Variants in KIF26B observed in about 807,000 individuals in gnomAD.
KIF26B encodes the protein kinesin family member 26B.
Under a neutral mutation model 151.2 loss-of-function variants are expected in KIF26B, and 63 were observed. The ratio of observed to expected loss-of-function variants is 0.42; its 90% CI spans 0.34 to 0.51. The LOEUF is 0.51. Among genes scored for constraint, KIF26B ranks in the 20% least tolerant of loss-of-function variants. KIF26B has a pLI of 0.07. For synonymous variants in KIF26B, 1,357 were observed against 1,262.1 expected, an observed-to-expected ratio of 1.08 and a Z score of -1.59; for missense variants, 2,813 against 2,913.6, an observed-to-expected ratio of 0.97 and a Z score of 0.79.
At position 245,167,236 on chromosome 1, in the gene KIF26B, G is replaced by A. The variant is rs72779211; in HGVS notation, c.465+10553G>A. ...AGCTGCAAATAATAAATTAAAATCCGCTTTTCTATCACAGGGGTGACAAAT... is the reference window on the plus strand; with the variant it reads ...AGCTGCAAATAATAAATTAAAATCCACTTTTCTATCACAGGGGTGACAAAT... On this transcript the variant is annotated intron_variant, in intron 2 of 14. Transcript: ENST00000407071. The surrounding 1 kb of genome is among the most constrained non-coding windows in gnomAD (Gnocchi z 4.2). Among the ~76,000 whole-genome samples, 2,196 of 151,250 alleles carry A rather than the reference G, an allele frequency of 0.015. 20 individuals are homozygous for A. Among genetic ancestry groups the A allele is most frequent in the East Asian group, 0.031 (159 of 5,140 alleles).
At chr1:245,201,923 T>G (rs528405577) in intron 2 of KIF26B, among the ~76,000 whole-genome samples, 3 of 152,188 alleles carry the variant, frequency 2.0e-5, no homozygotes, top group African/African-American at 4.8e-5. Flanking sequence ...TTATTTCCTG[T>G]TGGGGTTTTA....
At position 245,597,612 on chromosome 1, in the gene KIF26B, G is replaced by T. The variant is rs1023498898; in HGVS notation, c.1351-4965G>T. Among the ~76,000 whole-genome samples the T allele has an allele frequency of 1.3e-5, 2 of 152,100 alleles. No individual in the cohort carries two copies. Among genetic ancestry groups the T allele is most frequent in the Non-Finnish European group, 2.9e-5 (2 of 68,028 alleles). ...GAATCTGACGATTTTGTGTCTTGGGGTTGCTCTTCTCGAGGAGTATCTTTT... is the reference window on the plus strand; with the variant it reads ...GAATCTGACGATTTTGTGTCTTGGGTTTGCTCTTCTCGAGGAGTATCTTTT... On this transcript the variant is annotated intron_variant, in intron 5 of 14. Transcript: ENST00000407071. This position sits in a 1 kb window ranked among gnomAD's most constrained non-coding sequence, Gnocchi z 4.6.
chr1:245,240,809 G>C (rs944309257), intron 2 of KIF26B, among the ~76,000 whole-genome samples: 1 of 152,212 alleles, frequency 6.6e-6, no homozygotes, highest in Non-Finnish European at 1.5e-5. Context: ...GCCAGAGGGA[G>C]GCTGGAGGCT....
At chr1:245,464,946 G>T (rs920097721) in intron 4 of KIF26B, among the ~76,000 whole-genome samples, 2 of 151,982 alleles carry the variant, frequency 1.3e-5, no homozygotes, top group Non-Finnish European at 2.9e-5. Flanking sequence ...GGCTGCCCGG[G>T]CACCCAGCCG....
intron 10 of KIF26B, among the ~76,000 whole-genome samples, chr1:245,662,713 CATAT>C (rs1195373382): frequency 0.1 from 3,625 of 36,286 alleles, 53 homozygotes; most frequent in East Asian, 0.15. Context: ...CCCAATGATA[CATAT>C]ACACACACAC....
chr1:245,536,170 G>T (rs1661484714), intron 4 of KIF26B, among the ~76,000 whole-genome samples: 1 of 152,118 alleles, frequency 6.6e-6, no homozygotes, highest in African/African-American at 2.4e-5. Context: ...TTAAATGGGG[G>T]TAATATTGTT....
chr1:245,616,566 T>G (rs2043592617), intron 9 of KIF26B, among the ~76,000 whole-genome samples: 1 of 152,238 alleles, frequency 6.6e-6, no homozygotes, highest in South Asian at 2.1e-4. Flanking sequence ...TCATGTATGT[T>G]TCATATATGC....
At chr1:245,628,089 C>T (rs973720463) in intron 9 of KIF26B, among the ~76,000 whole-genome samples, 3 of 152,156 alleles carry the variant, frequency 2.0e-5, no homozygotes, top group Non-Finnish European at 2.9e-5. Context: ...TGAAACTATT[C>T]CAAACAATAG....
At chr1:245,547,356 G>A (rs1008592599) in intron 5 of KIF26B, among the ~76,000 whole-genome samples, 1 of 151,892 alleles carries the variant, frequency 6.6e-6, no homozygotes, top group Non-Finnish European at 1.5e-5. Context: ...AGATTGAGGC[G>A]GGTGGATCAC....
At chr1:245,509,860 C>T (rs1227507639) in intron 4 of KIF26B, among the ~76,000 whole-genome samples, 1 of 152,210 alleles carries the variant, frequency 6.6e-6, no homozygotes, top group Non-Finnish European at 1.5e-5. Flanking sequence ...CTTCTCCCTT[C>T]CTGCCTTCAG....
At chr1:245,270,327 TTTTTCCTTTCCCTTCCCTTCCTCC>T (rs1670835783) in intron 2 of KIF26B, among the ~76,000 whole-genome samples, 1 of 69,428 alleles carries the variant, frequency 1.4e-5, no homozygotes, top group African/African-American at 5.9e-5. Flanking sequence ...CTTCACTTCC[TTTTTCCTTTCCCTTCCCTTCCTCC>T]TTCCCTTCCC....
At chr1:245,466,283 C>T (rs765625616) in intron 4 of KIF26B, among the ~76,000 whole-genome samples, 13 of 152,196 alleles carry the variant, frequency 8.5e-5, no homozygotes, top group Non-Finnish European at 1.2e-4. Flanking sequence ...GAACAAATGG[C>T]CTGCACGCCG....
At chr1:245,382,847 T>C (rs819895) in intron 3 of KIF26B, among the ~76,000 whole-genome samples, 26,163 of 151,656 alleles carry the variant, frequency 0.17, 2,612 homozygotes, top group East Asian at 0.32. Context: ...GGATTACAGG[T>C]GTGAGCCACC....
At chr1:245,360,282 A>T (rs1031234229) in intron 2 of KIF26B, among the ~76,000 whole-genome samples, 3 of 152,156 alleles carry the variant, frequency 2.0e-5, no homozygotes, top group African/African-American at 7.2e-5. Context: ...AAATCCTCCT[A>T]GATAAAAGAC....
At chr1:245,656,931 G>GT (rs2044081624) in intron 10 of KIF26B, among the ~76,000 whole-genome samples, 1 of 152,052 alleles carries the variant, frequency 6.6e-6, no homozygotes. Context: ...ATTGTCTAAT[G>GT]TACCTAGTAA....
chr1:245,338,096 C>T lies in KIF26B; in HGVS notation c.466-28738C>T, dbSNP rs572700771. 4.2e-4 allele frequency among the ~76,000 whole-genome samples: 64 copies of T among 152,270 alleles called. 2 individuals carry two copies. The South Asian group carries it at 0.013, about 30-fold the overall frequency. On this transcript the variant is annotated intron_variant, in intron 2 of 14. Transcript: ENST00000407071. ...CCGTGCCTGTGGAAACTATGTCATG[C>T]GGCATGGAATGAAATTAATTAACAT... is the stretch of plus-strand genomic sequence containing the variant.
intron 2 of KIF26B, among the ~76,000 whole-genome samples, chr1:245,311,206 G>A (rs1271763650): frequency 2.0e-5 from 3 of 152,064 alleles, no homozygotes; most frequent in Non-Finnish European, 2.9e-5. Flanking sequence ...CGCATCTCTC[G>A]GAGCTGACCT....
intron 4 of KIF26B, among the ~76,000 whole-genome samples, chr1:245,461,358 T>C (rs1659640919): frequency 1.3e-5 from 2 of 151,926 alleles, no homozygotes; most frequent in South Asian, 4.2e-4. Context: ...CAGGGCTCAC[T>C]GCAGCCTTGA....
intron 10 of KIF26B, among the ~76,000 whole-genome samples, chr1:245,655,806 G>A (rs1043607457): frequency 2.6e-5 from 4 of 152,242 alleles, no homozygotes; most frequent in African/African-American, 9.6e-5. Flanking sequence ...ACTTGTCTGT[G>A]TTGGACTTAG....
Sources: gnomAD v4.1 joint callset for allele counts (sites outside exome capture counted in the v4.1 genomes callset) on GRCh38, gnomAD v4.1.1 for gene constraint, Gnocchi (gnomAD v3.1) non-coding constraint, MANE v1.5 for transcripts, NCBI Gene and HGNC (gene_info 2026-07-23, HGNC 2026-07-21) for gene names.